LRRC36: variants seen among roughly 807,000 people sequenced by gnomAD.
The protein encoded by LRRC36 is leucine-rich repeat-containing protein 36.
LRRC36 carries 62 observed loss-of-function variants against 81.1 expected under a neutral mutation model. The observed-to-expected ratio is 0.76, with a 90% CI of 0.62 to 0.94. The LOEUF (loss-of-function observed/expected upper bound fraction) is 0.94. Among genes scored for constraint, LRRC36 ranks in the 40% least tolerant of loss-of-function variants. The probability of loss-of-function intolerance (pLI) is 0.00; values close to 1 mark genes in which losing one functional copy is unlikely to be tolerated. For missense variants in LRRC36, 761 were observed against 881.7 expected (o/e 0.86, Z 1.73); for synonymous variants, 334 against 348.6 (o/e 0.96, Z 0.47).
In LRRC36 at chr16:67,375,122, G is replaced by T. The variant is rs572056712; in HGVS notation, c.1495-125G>T. On this transcript the variant is annotated intron_variant, in intron 9 of 13. Coordinates refer to ENST00000329956, the MANE Select transcript of LRRC36 (RefSeq NM_018296.6). ...AGCCTGGGTGACAGAGCGAGACTCC[G>T]TCTCCAAAAAAAAATTAAAAAAAAA... 14 of 1,061,006 alleles carry T rather than the reference G, an allele frequency of 1.3e-5. 1 individual carries two copies. In the South Asian group the frequency reaches 2.1e-4, roughly 16 times the overall value. The allele number at this position is 1,061,006 out of a possible 1,614,324, so 65.7% of individuals were successfully genotyped here. A position where few individuals can be genotyped will look rare whatever the true frequency, so the allele number is the denominator to read the frequency against.
chr16:67,343,318 C>T (rs1164613485), intron 2 of LRRC36, among the ~76,000 whole-genome samples: 5 of 152,016 alleles, frequency 3.3e-5, no homozygotes, highest in Non-Finnish European at 5.9e-5. Context: ...TGCAGCGCTT[C>T]GGAAGGCTGA....
At chr16:67,358,880 G>A (rs907635868) in intron 5 of LRRC36, among the ~76,000 whole-genome samples, 1 of 152,084 alleles carries the variant, frequency 6.6e-6, no homozygotes, top group Non-Finnish European at 1.5e-5. Context: ...CTAAAGGACA[G>A]ATAATAAGCA....
In LRRC36 at chr16:67,339,969, C is replaced by T. The variant is rs186031821; in HGVS notation, c.71-1988C>T. 2.9e-3 allele frequency among the ~76,000 whole-genome samples: 444 copies of T among 151,834 alleles called. 1 individual carries two copies. Among genetic ancestry groups the T allele is most frequent in the Non-Finnish European group, 5.1e-3 (344 of 67,908 alleles). On this transcript the variant is annotated intron_variant, in intron 1 of 13. Coordinates refer to ENST00000329956, the MANE Select transcript of LRRC36 (RefSeq NM_018296.6). ...ACCAGCCTGGGTAACATGGTGAAAC[C>T]CCGTCTCTACTGAAAGTACAAAAAT... is the stretch of plus-strand genomic sequence containing the variant.
chr16:67,350,157 CTT>C (rs35595978), intron 4 of LRRC36, 43 bp from the exon 5 acceptor site: 19,415 of 1,086,876 alleles, frequency 0.018, 39 homozygotes, highest in South Asian at 0.022. Context: ...TCTCAGAAGC[CTT>C]TTTTTTTTTT....
Position 67,342,080 on chromosome 16 carries a change from T to G in LRRC36, c.194T>G (p.Leu65Arg). The change falls in exon 2 of 14, where the codon CTT becomes CGT. Residue 65 changes from leucine to arginine, a missense_variant. Coordinates refer to ENST00000329956, the MANE Select transcript of LRRC36 (RefSeq NM_018296.6). ...TTATCAAGGAATTTGATCACTAGCC[T>G]TAAGGTAAGTTATATATTCTATGAC... is the stretch of plus-strand genomic sequence containing the variant. ...LDLSRNLITS[L>R]KGIQYLCSLQ... is the part of the protein sequence containing the mutation. 1 of 1,600,692 alleles carries G rather than the reference T, an allele frequency of 6.2e-7. No individual in the cohort carries two copies. Among genetic ancestry groups the G allele is most frequent in the South Asian group, 1.1e-5 (1 of 89,374 alleles).
intron 1 of LRRC36, among the ~76,000 whole-genome samples, chr16:67,328,796 A>T (rs2037333068): frequency 6.6e-6 from 1 of 152,074 alleles, no homozygotes; most frequent in Non-Finnish European, 1.5e-5. Flanking sequence ...AGCTTCTTTC[A>T]CGTATACCTC....
At chr16:67,347,363 G>T in intron 3 of LRRC36, 132 bp from the exon 4 acceptor site, 1 of 1,483,796 alleles carries the variant, frequency 6.7e-7, no homozygotes, top group South Asian at 1.3e-5. Context: ...GCATTATTTT[G>T]TGACCTGTCT....
chr16:67,343,739 T>C (rs952746418), intron 2 of LRRC36, among the ~76,000 whole-genome samples: 1 of 151,618 alleles, frequency 6.6e-6, no homozygotes, highest in Non-Finnish European at 1.5e-5. Flanking sequence ...ATAGAACATA[T>C]ATAAGACTCC....
intron 9 of LRRC36, chr16:67,371,573 A>G (rs2039643574): frequency 2.9e-6 from 1 of 345,652 alleles, no homozygotes. Context: ...AATAGTTCTT[A>G]TAAAAGCATT....
At chr16:67,351,522 C>T (rs2142039704) in intron 5 of LRRC36, among the ~76,000 whole-genome samples, 1 of 152,266 alleles carries the variant, frequency 6.6e-6, no homozygotes, top group East Asian at 1.9e-4. Flanking sequence ...GCCTGGCCAA[C>T]ATGGCAAAAC....
Position 67,326,937 on chromosome 16 carries a change from G to C in LRRC36, c.70+5G>C, listed in dbSNP as rs2037203318. On this transcript the variant is annotated splice_donor_5th_base_variant and intron_variant, in intron 1 of 13. Coordinates refer to ENST00000329956, the MANE Select transcript of LRRC36 (RefSeq NM_018296.6). Reference sequence around the variant, plus strand: ...CGCTGACGCTGGAGCAGCCGGGTAGGGTCTGGCCGGGAGGGTGTGGACTGG... The same window carrying C: ...CGCTGACGCTGGAGCAGCCGGGTAGCGTCTGGCCGGGAGGGTGTGGACTGG... 1 of 1,500,558 alleles carries C rather than the reference G, an allele frequency of 6.7e-7. No homozygotes were observed. The highest frequency in any genetic ancestry group is 8.8e-7 in the Non-Finnish European group (1 of 1,136,100). 93.0% of individuals were successfully genotyped at this position (1,500,558 alleles called of 1,614,324 possible). A position where few individuals can be genotyped will look rare whatever the true frequency, so the allele number is the denominator to read the frequency against.
At chr16:67,371,373 G>A in intron 9 of LRRC36, 131 bp downstream of exon 9, 1 of 1,084,624 alleles carries the variant, frequency 9.2e-7, no homozygotes, top group Non-Finnish European at 1.4e-6. Flanking sequence ...AGAGGCTGGT[G>A]GCTAATACTG....
chr16:67,329,446 A>G (rs1272886872), intron 1 of LRRC36, among the ~76,000 whole-genome samples: 2 of 151,630 alleles, frequency 1.3e-5, no homozygotes, highest in African/African-American at 2.4e-5. Flanking sequence ...ATGTGCCACC[A>G]TGCCTGGCTA....
chr16:67,353,285 A>T (rs1164259405), intron 5 of LRRC36, among the ~76,000 whole-genome samples: 1 of 152,146 alleles, frequency 6.6e-6, no homozygotes, highest in East Asian at 1.9e-4. Flanking sequence ...TTGGGGTTTG[A>T]TGCTGCTGCT....
intron 5 of LRRC36, among the ~76,000 whole-genome samples, chr16:67,350,578 A>G (rs1048352220): frequency 2.6e-5 from 4 of 152,206 alleles, no homozygotes; most frequent in African/African-American, 4.8e-5. Flanking sequence ...GATTGATTTA[A>G]TTAGAGACTG....
chr16:67,357,701 G>C (rs546742555), intron 5 of LRRC36, among the ~76,000 whole-genome samples: 6 of 152,162 alleles, frequency 3.9e-5, no homozygotes, highest in Non-Finnish European at 7.4e-5. Flanking sequence ...GACAGACTCC[G>C]AATGAAGAGC....
At chr16:67,365,247 G>A (rs537640734) in intron 6 of LRRC36, 57 bp from the exon 7 acceptor site, 9 of 1,108,924 alleles carry the variant, frequency 8.1e-6, no homozygotes, top group South Asian at 6.4e-5. Context: ...AGTCTAATAA[G>A]CTCACATTTG....
chr16:67,368,139 C>T (rs2039485534), intron 8 of LRRC36, among the ~76,000 whole-genome samples: 1 of 152,186 alleles, frequency 6.6e-6, no homozygotes. Context: ...ACTCATTGAA[C>T]ACCTACAGTG....
rs780808389 is a variant in LRRC36 at position 67,363,623 on chromosome 16, A to G, written c.611A>G (p.Asn204Ser). 6.2e-6 allele frequency: 10 copies of G among 1,613,846 alleles called. No homozygotes were observed. Among genetic ancestry groups the G allele is most frequent in the Middle Eastern group, 1.6e-4 (1 of 6,062 alleles). Residue 204 changes from asparagine (N) to serine (S), a missense_variant, in exon 6 of 14, where the codon AAC becomes AGC. Asn to Ser is a conservative substitution (Grantham distance 46). Coordinates refer to ENST00000329956, the MANE Select transcript of LRRC36 (RefSeq NM_018296.6). ...SNKGLFIPFP[N>S]REIKDSLSTS... ...AAAGGACTTTTTATTCCCTTCCCCA[A>G]CCGGGAAATAAAGGATTCCCTAAGT...
Sources: gnomAD v4.1 joint callset for allele counts (sites outside exome capture counted in the v4.1 genomes callset) on GRCh38, gnomAD v4.1.1 for gene constraint, MANE v1.5 for transcripts, NCBI Gene and HGNC (gene_info 2026-07-23, HGNC 2026-07-21) for gene names.